The following MAST2 variants were observed in gnomAD, a reference collection of about 807,000 sequenced individuals.
MAST2 encodes microtubule-associated serine/threonine-protein kinase 2.
A neutral mutation model predicts 147.4 loss-of-function variants in MAST2; 70 were observed. That is an observed-to-expected ratio of 0.47 (90% confidence interval 0.39 to 0.58). MAST2 has a LOEUF of 0.58. Among genes scored for constraint, MAST2 ranks in the 20% least tolerant of loss-of-function variants. MAST2 has a pLI of 0.00. For synonymous variants in MAST2, 869 were observed against 896.8 expected (o/e 0.97, Z 0.55); for missense variants, 2,080 against 2,302.3 (o/e 0.90, Z 1.98).
In MAST2 at chr1:46,023,482, A is replaced by G; in HGVS notation, c.1571+164A>G. 1.5e-6 allele frequency: 1 copy of G among 660,638 alleles called. No homozygotes were observed. Among genetic ancestry groups the G allele is most frequent in the African/African-American group, 1.8e-5 (1 of 55,012 alleles). The allele number at this position is 660,638 out of a possible 1,614,324, so 40.9% of individuals were successfully genotyped here. On this transcript the variant is annotated intron_variant, in intron 14 of 28. Coordinates refer to ENST00000361297, the MANE Select transcript of MAST2 (RefSeq NM_015112.3). The surrounding 1 kb of genome is among the most constrained non-coding windows in gnomAD (Gnocchi z 4.9). ...GGGCAGGAGTTCAGATTCCTCTGAC[A>G]TCCGATCATTGTTCCTTTCCCAGAC...
intron 5 of MAST2, 101 bp from the exon 6 acceptor site, chr1:45,997,623 A>G (rs1002395843): frequency 6.3e-5 from 52 of 821,370 alleles, no homozygotes; most frequent in South Asian, 2.1e-4. Context: ...GAAAATAACC[A>G]TATAATTGCC....
intron 4 of MAST2, among the ~76,000 whole-genome samples, chr1:45,935,967 CT>C (rs1463530383): frequency 9.9e-5 from 15 of 152,196 alleles, no homozygotes; most frequent in Non-Finnish European, 1.5e-4. Context: ...AACATTGAAT[CT>C]GTAAATTGCT....
chr1:45,826,938 C>T (rs1282516185), intron 2 of MAST2, among the ~76,000 whole-genome samples: 2 of 152,108 alleles, frequency 1.3e-5, no homozygotes, highest in Non-Finnish European at 2.9e-5. Flanking sequence ...AAGCGATTCT[C>T]CTGCCTCAGC....
At chr1:45,962,824 A>T (rs181887657) in intron 5 of MAST2, among the ~76,000 whole-genome samples, 1 of 151,784 alleles carries the variant, frequency 6.6e-6, no homozygotes, top group East Asian at 1.9e-4. Context: ...GCTTTTAGAC[A>T]TGAAGTCCTT....
At chr1:45,804,625 T>C (rs1408277326) in intron 1 of MAST2, among the ~76,000 whole-genome samples, 1 of 152,210 alleles carries the variant, frequency 6.6e-6, no homozygotes, top group Non-Finnish European at 1.5e-5. Context: ...ATGTGAGCAG[T>C]GTTAAGCCCA....
chr1:46,030,559 A>T, intron 21 of MAST2, 48 bp from the exon 22 acceptor site: 2 of 1,554,124 alleles, frequency 1.3e-6, no homozygotes, highest in Non-Finnish European at 1.7e-6. Flanking sequence ...GCCACTTGGG[A>T]GGTACGGCTG....
rs146325016 is a variant in MAST2, at chr1:45,933,446, A to C, written c.501-25940A>C. On this transcript the variant is annotated intron_variant, in intron 4 of 28. Coordinates refer to ENST00000361297, the MANE Select transcript of MAST2 (RefSeq NM_015112.3). ...TATATTTGTAACTTCCTTCTTTGAA[A>C]GTGAGAACTCTGGCCGGGCACGGTG... Among the ~76,000 whole-genome samples the C allele has an allele frequency of 2.8e-4, 42 of 152,222 alleles. No individual in the cohort carries two copies. In the East Asian group the frequency reaches 7.5e-3, roughly 27 times the overall value.
At chr1:45,907,337 C>G (rs1650926743) in intron 4 of MAST2, among the ~76,000 whole-genome samples, 1 of 152,014 alleles carries the variant, frequency 6.6e-6, no homozygotes, top group African/African-American at 2.4e-5. Context: ...AAGATTTTCT[C>G]CAATGTTTTC....
intron 2 of MAST2, among the ~76,000 whole-genome samples, chr1:45,825,902 C>A (rs1264718592): frequency 2.0e-5 from 3 of 151,894 alleles, no homozygotes; most frequent in Non-Finnish European, 4.4e-5. Flanking sequence ...CATGGCAAAA[C>A]CCCGTCTCTA....
Position 46,027,869 on chromosome 1 carries a change from G to A in MAST2, c.2052+6G>A. 3 of 1,614,014 alleles carry A rather than the reference G, an allele frequency of 1.9e-6. No individual in the cohort carries two copies. Among genetic ancestry groups the A allele is most frequent in the African/African-American group, 2.7e-5 (2 of 75,044 alleles). On this transcript the variant is annotated splice_donor_region_variant and intron_variant, in intron 17 of 28. Coordinates refer to ENST00000361297, the MANE Select transcript of MAST2 (RefSeq NM_015112.3). ...GGGAATTCCTGGACAAGCAGGTAAG[G>A]AAGGGTAGTTGATACACTGGGGGTT...
At position 46,032,219 on chromosome 1, in the gene MAST2, C is replaced by A; in HGVS notation, c.3229C>A (p.His1077Asn). 1 of 1,614,222 alleles carries A rather than the reference C, an allele frequency of 6.2e-7. No homozygotes were observed. Among genetic ancestry groups the A allele is most frequent in the South Asian group, 1.1e-5 (1 of 91,084 alleles). Reference sequence around the variant, plus strand: ...CCCGTTGGCCAGCCCCATGTCCCCACATTCTCAGTCGTCCAACCCATCATC... The same window carrying A: ...CCCGTTGGCCAGCCCCATGTCCCCAAATTCTCAGTCGTCCAACCCATCATC... ...CSPLASPMSPHSQSSNPSSRD... is the reference protein window; with the variant it reads ...CSPLASPMSPNSQSSNPSSRD... Residue 1077 changes from histidine to asparagine, a missense_variant, in exon 25 of 29, where the codon CAT (histidine) becomes AAT (asparagine). His to Asn is a moderately conservative substitution (Grantham distance 68). This residue lies in a region of MAST2 where 1,278 missense variants were observed against 1,304.2 expected (regional missense o/e 0.98). Transcript: ENST00000361297.
At chr1:46,034,010 C>T in intron 27 of MAST2, 63 bp from the exon 28 acceptor site, 1 of 1,605,748 alleles carries the variant, frequency 6.2e-7, no homozygotes, top group East Asian at 2.2e-5. Context: ...TGCCTTGGCC[C>T]TGGGGGTCCA....
chr1:45,837,928 G>T (rs1193166696), intron 3 of MAST2, among the ~76,000 whole-genome samples: 1 of 152,036 alleles, frequency 6.6e-6, no homozygotes, highest in Admixed American at 6.6e-5. Context: ...ACAGGCGCAC[G>T]CCACCACGCC....
rs1324753561 is a variant in MAST2, at chr1:45,835,806, GTC to G, written c.468+6229_468+6230del. The stretch of plus-strand genomic sequence containing the variant: ...TAGGGCAACCACTAATCTGCTTTTT[GTC>G]TCTGTGGATTTACCTATTCTAATAT... On this transcript the variant is annotated intron_variant, in intron 3 of 28. Transcript: ENST00000361297. Among the ~76,000 whole-genome samples the G allele has an allele frequency of 9.2e-5, 14 of 152,006 alleles. No homozygotes were observed. The East Asian group carries it at 2.5e-3, about 27-fold the overall frequency.
intron 4 of MAST2, among the ~76,000 whole-genome samples, chr1:45,894,280 T>G (rs1283617429): frequency 6.6e-6 from 1 of 152,088 alleles, no homozygotes; most frequent in Non-Finnish European, 1.5e-5. Context: ...TAGGATCTGA[T>G]TTGGGAAAGA....
chr1:45,935,051 T>TCGGGTCCAAGC (rs1553237316), intron 4 of MAST2, among the ~76,000 whole-genome samples: 1 of 152,266 alleles, frequency 6.6e-6, no homozygotes, highest in Non-Finnish European at 1.5e-5. Flanking sequence ...GTCTGCAGTC[T>TCGGGTCCAAGC]CGCCAGCATC....
chr1:46,021,160 G>A (rs1183006982), intron 11 of MAST2, among the ~76,000 whole-genome samples: 2 of 152,238 alleles, frequency 1.3e-5, no homozygotes, highest in Admixed American at 6.5e-5. Context: ...CAGGTCTGGC[G>A]TAGGTTATAT....
intron 3 of MAST2, among the ~76,000 whole-genome samples, chr1:45,854,300 G>C (rs1645718922): frequency 6.7e-6 from 1 of 149,014 alleles, no homozygotes; most frequent in Non-Finnish European, 1.5e-5. Context: ...TCGTACCACT[G>C]TACTGCAGCC....
chr1:45,882,176 A>G (rs571232891), intron 3 of MAST2, among the ~76,000 whole-genome samples, 188 bp from the exon 4 acceptor site: 14 of 150,216 alleles, frequency 9.3e-5, no homozygotes, highest in African/African-American at 3.4e-4. Context: ...TGGGAGACAA[A>G]ATGAGACTCC....
Sources: gnomAD v4.1 joint callset for allele counts (sites outside exome capture counted in the v4.1 genomes callset) on GRCh38, gnomAD v4.1.1 for gene constraint, gnomAD v4.1.1 regional missense constraint, Gnocchi (gnomAD v3.1) non-coding constraint, MANE v1.5 for transcripts, NCBI Gene and HGNC (gene_info 2026-07-23, HGNC 2026-07-21) for gene names.